ZCCHC7: variants seen among roughly 807,000 people sequenced by gnomAD.
ZCCHC7 encodes zinc finger CCHC-type containing 7, also known as zinc finger CCHC domain-containing protein 7.
Under a neutral mutation model 52.0 loss-of-function variants are expected in ZCCHC7, and 35 were observed. That is an observed-to-expected ratio of 0.67 (90% CI 0.51 to 0.89). The LOEUF (loss-of-function observed/expected upper bound fraction) is 0.89. ZCCHC7 is among the 40% of genes least tolerant of loss of function. The pLI, the probability that ZCCHC7 is intolerant of heterozygous loss-of-function variation, is 0.00. For missense variants in ZCCHC7, 574 were observed against 649.1 expected (o/e 0.88, Z 1.26); for synonymous variants, 217 against 221.5 (o/e 0.98, Z 0.18).
intron 2 of ZCCHC7, among the ~76,000 whole-genome samples, chr9:37,272,668 C>T (rs1403807644): frequency 1.3e-5 from 2 of 151,960 alleles, no homozygotes; most frequent in Non-Finnish European, 2.9e-5. Flanking sequence ...CTTCTCTTAA[C>T]GGTATAGTTT....
At chr9:37,312,632 A>G (rs1241692629) in intron 5 of ZCCHC7, among the ~76,000 whole-genome samples, 3 of 152,230 alleles carry the variant, frequency 2.0e-5, no homozygotes, top group African/African-American at 7.2e-5. Context: ...GAAATAATAT[A>G]GAGGGCTGGG....
intron 2 of ZCCHC7, among the ~76,000 whole-genome samples, chr9:37,238,828 A>G (rs2133348027): frequency 6.6e-6 from 1 of 152,254 alleles, no homozygotes; most frequent in Admixed American, 6.5e-5. Flanking sequence ...GTAAAAAGGA[A>G]ATAGTTGCAA....
At chr9:37,320,944 G>A (rs1588667262) in intron 5 of ZCCHC7, among the ~76,000 whole-genome samples, 1 of 143,198 alleles carries the variant, frequency 7.0e-6, no homozygotes, top group Admixed American at 6.9e-5. Flanking sequence ...TTAAGTATTT[G>A]TTATTTATGA....
intron 2 of ZCCHC7, among the ~76,000 whole-genome samples, chr9:37,289,710 C>G (rs1257162955): frequency 1.3e-5 from 2 of 152,146 alleles, no homozygotes; most frequent in Non-Finnish European, 2.9e-5. Flanking sequence ...TTTTGTTTCA[C>G]TCAGAGTAAA....
At chr9:37,220,312 G>A (rs969259896) in intron 2 of ZCCHC7, among the ~76,000 whole-genome samples, 9 of 151,974 alleles carry the variant, frequency 5.9e-5, no homozygotes, top group Non-Finnish European at 1.5e-5. Context: ...AGGCCGAGGC[G>A]GGCAGATTAC....
intron 2 of ZCCHC7, among the ~76,000 whole-genome samples, chr9:37,168,437 A>G (rs1821546347): frequency 6.6e-6 from 1 of 152,230 alleles, no homozygotes; most frequent in South Asian, 2.1e-4. Flanking sequence ...CTATCCCTCT[A>G]AAGGTTTATG....
At position 37,252,258 on chromosome 9, in the gene ZCCHC7, T is replaced by C. The variant is rs563857077; in HGVS notation, c.611-49930T>C. 8.9e-4 allele frequency among the ~76,000 whole-genome samples: 135 copies of C among 152,328 alleles called. 1 individual carries two copies. Among genetic ancestry groups the C allele is most frequent in the African/African-American group, 3.0e-3 (124 of 41,572 alleles). On this transcript the variant is annotated intron_variant, in intron 2 of 8. Transcript: ENST00000336755. ...ATTTTAAGTAACTTATTTTAAAATA[T>C]GTTAGTATTTACCTGAAAACAGTAG...
At chr9:37,181,258 T>C (rs1822338183) in intron 2 of ZCCHC7, among the ~76,000 whole-genome samples, 1 of 152,154 alleles carries the variant, frequency 6.6e-6, no homozygotes, top group Non-Finnish European at 1.5e-5. Context: ...GTCCAGATGA[T>C]ATTTAATGTA....
At chr9:37,146,087 A>T (rs569710051) in intron 2 of ZCCHC7, among the ~76,000 whole-genome samples, 36 of 152,046 alleles carry the variant, frequency 2.4e-4, no homozygotes, top group Middle Eastern at 6.8e-3. Flanking sequence ...ATTTTAACTC[A>T]TTCTTCGAGA....
intron 5 of ZCCHC7, among the ~76,000 whole-genome samples, chr9:37,313,455 C>G (rs1474374853): frequency 6.6e-6 from 1 of 152,142 alleles, no homozygotes; most frequent in East Asian, 1.9e-4. Context: ...ACCAAGCCAC[C>G]TAATAAATGA....
intron 2 of ZCCHC7, among the ~76,000 whole-genome samples, chr9:37,240,237 G>A (rs1825819746): frequency 6.6e-6 from 1 of 151,814 alleles, no homozygotes; most frequent in Non-Finnish European, 1.5e-5. Context: ...TTCGTTTTTT[G>A]TTCAGGTCCT....
chr9:37,183,683 T>C (rs1822490242), intron 2 of ZCCHC7, among the ~76,000 whole-genome samples: 1 of 152,184 alleles, frequency 6.6e-6, no homozygotes, highest in Non-Finnish European at 1.5e-5. Flanking sequence ...ATAGCAAATA[T>C]TTTACTTATT....
chr9:37,258,757 T>TAAAAAAAAAAAA (rs5897683), intron 2 of ZCCHC7, among the ~76,000 whole-genome samples: 5 of 55,366 alleles, frequency 9.0e-5, no homozygotes, highest in African/African-American at 4.3e-4. Context: ...TCCTGTCTCT[T>TAAAAAAAAAAAA]AAAAAAAAAA....
chr9:37,259,027 G>A (rs608332), intron 2 of ZCCHC7, among the ~76,000 whole-genome samples: 4,626 of 151,984 alleles, frequency 0.03, 162 homozygotes, highest in African/African-American at 0.076. Flanking sequence ...GGCAAGCATC[G>A]AAAAGAAACT....
intron 2 of ZCCHC7, among the ~76,000 whole-genome samples, chr9:37,206,477 G>A (rs1275647311): frequency 2.0e-5 from 3 of 151,858 alleles, no homozygotes; most frequent in Non-Finnish European, 2.9e-5. Context: ...TCAGCCCCCC[G>A]AGTAGCTGGG....
chr9:37,171,187 T>C (rs1311420472), intron 2 of ZCCHC7, among the ~76,000 whole-genome samples: 1 of 152,136 alleles, frequency 6.6e-6, no homozygotes, highest in Admixed American at 6.6e-5. Flanking sequence ...TACAATTGAG[T>C]TTCCCTGTTA....
chr9:37,332,830 A>G (rs988580824), intron 6 of ZCCHC7, among the ~76,000 whole-genome samples: 1 of 151,688 alleles, frequency 6.6e-6, no homozygotes, highest in African/African-American at 2.4e-5. Context: ...AATGTTGTGA[A>G]TTATAAATGC....
intron 5 of ZCCHC7, among the ~76,000 whole-genome samples, chr9:37,308,457 T>C (rs936731735): frequency 1.3e-5 from 2 of 152,166 alleles, no homozygotes; most frequent in African/African-American, 2.4e-5. Context: ...AACAAGAAAC[T>C]GTACTACAGA....
At chr9:37,297,821 T>C (rs78934190) in intron 2 of ZCCHC7, among the ~76,000 whole-genome samples, 7,728 of 152,294 alleles carry the variant, frequency 0.051, 641 homozygotes, top group African/African-American at 0.17. Context: ...TCTGTAATTA[T>C]CTGTAGCTAC....
Sources: allele counts gnomAD v4.1 joint callset (sites outside exome capture counted in the v4.1 genomes callset), GRCh38; gene constraint gnomAD v4.1.1; transcripts MANE v1.5; gene names NCBI Gene and HGNC (gene_info 2026-07-23, HGNC 2026-07-21).